CARMIL1: variants seen among roughly 807,000 people sequenced by gnomAD.
CARMIL1 encodes F-actin-uncapping protein LRRC16A.
CARMIL1 carries 90 observed loss-of-function variants against 177.1 expected under a neutral mutation model. The observed-to-expected ratio is 0.51, with a 90% CI of 0.43 to 0.61. The LOEUF (loss-of-function observed/expected upper bound fraction) is 0.61. Among genes scored for constraint, CARMIL1 ranks in the 20% least tolerant of loss-of-function variants. The pLI is 0.00. For synonymous variants in CARMIL1, 577 were observed against 606.2 expected, an observed-to-expected ratio of 0.95 and a Z score of 0.71; for missense variants, 1,380 against 1,667.0, an observed-to-expected ratio of 0.83 and a Z score of 3.00.
chr6:25,313,900 G>A (rs1478478176), intron 2 of CARMIL1, among the ~76,000 whole-genome samples: 2 of 151,390 alleles, frequency 1.3e-5, no homozygotes, highest in Non-Finnish European at 2.9e-5. Flanking sequence ...TTTTGCTAAA[G>A]CAGGCCCTCA....
chr6:25,364,204 A>G (rs1408112560), intron 2 of CARMIL1, among the ~76,000 whole-genome samples: 1 of 152,038 alleles, frequency 6.6e-6, no homozygotes, highest in Non-Finnish European at 1.5e-5. Flanking sequence ...CTGGCCTCCC[A>G]GAGTGTTGGG....
intron 35 of CARMIL1, among the ~76,000 whole-genome samples, chr6:25,609,195 G>A (rs978057171): frequency 8.6e-5 from 13 of 151,974 alleles, no homozygotes; most frequent in African/African-American, 2.7e-4. Flanking sequence ...GGCCAGGCGC[G>A]GTGGCTCACA....
At chr6:25,289,013 T>C (rs1781739828) in intron 2 of CARMIL1, among the ~76,000 whole-genome samples, 1 of 152,184 alleles carries the variant, frequency 6.6e-6, no homozygotes, top group Non-Finnish European at 1.5e-5. Context: ...TTTCCAAACT[T>C]ATTTAGCCAG....
intron 29 of CARMIL1, among the ~76,000 whole-genome samples, chr6:25,564,526 A>C (rs1262111664): frequency 6.6e-6 from 1 of 152,174 alleles, no homozygotes; most frequent in Non-Finnish European, 1.5e-5. Flanking sequence ...GTTTTATCTT[A>C]AAGTGCAATT....
chr6:25,383,873 C>G (rs937400877), intron 2 of CARMIL1, among the ~76,000 whole-genome samples: 2 of 152,174 alleles, frequency 1.3e-5, no homozygotes, highest in Non-Finnish European at 1.5e-5. Context: ...GAGTCTCGCT[C>G]TGTCGCCCAG....
intron 5 of CARMIL1, among the ~76,000 whole-genome samples, chr6:25,448,916 C>CTTTTTTTT (rs36000360): frequency 1.6e-5 from 2 of 126,456 alleles, no homozygotes. Context: ...AGGGATTCTT[C>CTTTTTTTT]TTTTTTTTTT....
chr6:25,479,529 A>G (rs1380131677), intron 11 of CARMIL1, among the ~76,000 whole-genome samples: 1 of 152,106 alleles, frequency 6.6e-6, no homozygotes, highest in Non-Finnish European at 1.5e-5. Flanking sequence ...TGATTTTGAT[A>G]ATTTGATCTC....
At chr6:25,328,398 T>G (rs1785314689) in intron 2 of CARMIL1, among the ~76,000 whole-genome samples, 1 of 152,230 alleles carries the variant, frequency 6.6e-6, no homozygotes, top group South Asian at 2.1e-4. Context: ...AGGAGTTTTC[T>G]AGATAGAGCC....
intron 2 of CARMIL1, among the ~76,000 whole-genome samples, chr6:25,403,586 T>G (rs1794078365): frequency 6.6e-6 from 1 of 152,262 alleles, no homozygotes; most frequent in Admixed American, 6.5e-5. Context: ...TTTCAATTGC[T>G]GCAGGCATAT....
chr6:25,361,655 C>T (rs1038609908), intron 2 of CARMIL1, among the ~76,000 whole-genome samples: 10 of 152,120 alleles, frequency 6.6e-5, no homozygotes, highest in East Asian at 5.8e-4. Flanking sequence ...TGAAAGTGTC[C>T]GCCAAATTTC....
chr6:25,295,586 T>C (rs1782317129), intron 2 of CARMIL1, among the ~76,000 whole-genome samples: 1 of 152,232 alleles, frequency 6.6e-6, no homozygotes, highest in Non-Finnish European at 1.5e-5. Context: ...TTCATTGTCT[T>C]AAACAAGAGT....
At chr6:25,596,961 T>C (rs1209888304) in intron 32 of CARMIL1, among the ~76,000 whole-genome samples, 3 of 148,598 alleles carry the variant, frequency 2.0e-5, no homozygotes, top group Non-Finnish European at 4.5e-5. Context: ...TTGTCTGTTT[T>C]CTGTTGTTAT....
At chr6:25,378,045 T>C (rs976508602) in intron 2 of CARMIL1, among the ~76,000 whole-genome samples, 3 of 152,098 alleles carry the variant, frequency 2.0e-5, no homozygotes, top group African/African-American at 7.2e-5. Flanking sequence ...GTGCTCTAGC[T>C]CTCCATATGT....
At chr6:25,300,321 A>C (rs573971042) in intron 2 of CARMIL1, among the ~76,000 whole-genome samples, 1 of 152,362 alleles carries the variant, frequency 6.6e-6, no homozygotes, top group South Asian at 2.1e-4. Context: ...GTGGTTCTCA[A>C]TATTTGGTCC....
At chr6:25,317,920 T>C (rs543812700) in intron 2 of CARMIL1, among the ~76,000 whole-genome samples, 2 of 152,314 alleles carry the variant, frequency 1.3e-5, no homozygotes, top group South Asian at 4.1e-4. Context: ...CTTGTGTTTT[T>C]AGAATCTGCA....
intron 2 of CARMIL1, among the ~76,000 whole-genome samples, chr6:25,296,961 AAC>A (rs1782452959): frequency 6.6e-6 from 1 of 150,790 alleles, no homozygotes; most frequent in Non-Finnish European, 1.5e-5. Context: ...CTAACTAACT[AAC>A]TAAAGCATTT....
intron 2 of CARMIL1, among the ~76,000 whole-genome samples, chr6:25,296,878 T>C (rs1394223014): frequency 1.3e-5 from 2 of 151,992 alleles, no homozygotes; most frequent in East Asian, 3.8e-4. Flanking sequence ...CCTTTTCTTA[T>C]AAGAATATCT....
intron 8 of CARMIL1, among the ~76,000 whole-genome samples, chr6:25,462,799 C>G (rs1409780903): frequency 6.6e-6 from 1 of 152,146 alleles, no homozygotes; most frequent in Non-Finnish European, 1.5e-5. Context: ...CGTTGTATTA[C>G]AGATAGTTGA....
rs1810416531 is a variant in CARMIL1 at position 25,554,320 on chromosome 6, T to G, written c.2592+224T>G. ...AATGATAAGGGAAAGCAGAACTGATTGTATCCAGAAATCTTATTGTTCATT... is the reference window on the plus strand; with the variant it reads ...AATGATAAGGGAAAGCAGAACTGATGGTATCCAGAAATCTTATTGTTCATT... On this transcript the variant is annotated intron_variant, in intron 28 of 36. Transcript: ENST00000329474. This position sits in a 1 kb window ranked among gnomAD's most constrained non-coding sequence, Gnocchi z 4.6. Among the ~76,000 whole-genome samples the G allele has an allele frequency of 6.6e-6, 1 of 152,224 alleles. No homozygotes were observed. The highest frequency in any genetic ancestry group is 2.1e-4 in the South Asian group (1 of 4,828).
Sources: allele counts gnomAD v4.1 joint callset (sites outside exome capture counted in the v4.1 genomes callset), GRCh38; gene constraint gnomAD v4.1.1; non-coding constraint Gnocchi (gnomAD v3.1); transcripts MANE v1.5; gene names NCBI Gene and HGNC (gene_info 2026-07-23, HGNC 2026-07-21).